The following KLHL1 variants were observed in gnomAD, a reference collection of about 807,000 sequenced individuals.
KLHL1 encodes kelch-like protein 1.
A neutral mutation model predicts 77.7 loss-of-function variants in KLHL1; 47 were observed. The ratio of observed to expected loss-of-function variants is 0.60; its 90% CI spans 0.48 to 0.77. KLHL1 has a LOEUF of 0.77. Ranked by LOEUF, KLHL1 falls within the 30% of genes least tolerant of loss-of-function variation. The pLI is 0.00. For synonymous variants in KLHL1, 360 were observed against 325.2 expected, an observed-to-expected ratio of 1.11 and a Z score of -1.15; for missense variants, 925 against 910.8, an observed-to-expected ratio of 1.02 and a Z score of -0.20.
At chr13:69,886,385 T>TG (rs931307794) in intron 4 of KLHL1, among the ~76,000 whole-genome samples, 1 of 151,884 alleles carries the variant, frequency 6.6e-6, no homozygotes, top group African/African-American at 2.4e-5. Flanking sequence ...CCAGTTTTTT[T>TG]TTTGTTTGTT....
At chr13:69,841,180 T>C (rs1722604774) in intron 5 of KLHL1, among the ~76,000 whole-genome samples, 1 of 151,682 alleles carries the variant, frequency 6.6e-6, no homozygotes, top group Non-Finnish European at 1.5e-5. Context: ...CAATATCACA[T>C]CTCATATTCA....
intron 7 of KLHL1, among the ~76,000 whole-genome samples, chr13:69,795,453 G>A (rs1056433826): frequency 2.6e-5 from 4 of 152,112 alleles, no homozygotes; most frequent in African/African-American, 7.2e-5. Context: ...TATAGGAAAG[G>A]AAGCACTTAG....
At chr13:70,080,401 T>C (rs955503046) in intron 1 of KLHL1, among the ~76,000 whole-genome samples, 1 of 152,206 alleles carries the variant, frequency 6.6e-6, no homozygotes, top group Non-Finnish European at 1.5e-5. Context: ...AATTAAGTTA[T>C]TTTTTAAAAC....
At chr13:70,035,262 G>T (rs553370219) in intron 1 of KLHL1, among the ~76,000 whole-genome samples, 4 of 152,196 alleles carry the variant, frequency 2.6e-5, no homozygotes, top group African/African-American at 9.6e-5. Context: ...CATAAAAAAT[G>T]AGATCTTGTC....
intron 1 of KLHL1, among the ~76,000 whole-genome samples, chr13:70,087,864 CA>C (rs1009954319): frequency 3.4e-4 from 51 of 152,112 alleles, no homozygotes; most frequent in African/African-American, 1.2e-3. Flanking sequence ...AGTAGGATTA[CA>C]AATAGATGCT....
Position 69,952,958 on chromosome 13 carries a change from G to A in KLHL1, c.817+8350C>T, listed in dbSNP as rs963535006. On this transcript the variant is annotated intron_variant, in intron 3 of 10. Transcript: ENST00000377844. ...AAGATATTAACAAATAGTCAAAACT[G>A]AAGTAAAATAATGTTTTCAAAGATG... Among the ~76,000 whole-genome samples, 3 of 151,462 alleles carry A rather than the reference G, an allele frequency of 2.0e-5. No individual in the cohort carries two copies. In the East Asian group the frequency reaches 5.8e-4, roughly 29 times the overall value.
chr13:69,855,309 T>C (rs1879846383), intron 5 of KLHL1, among the ~76,000 whole-genome samples: 1 of 118,888 alleles, frequency 8.4e-6, no homozygotes, highest in Non-Finnish European at 1.7e-5. Context: ...GATAGATAGA[T>C]AGATAGATAG....
intron 1 of KLHL1, among the ~76,000 whole-genome samples, chr13:70,068,062 C>T (rs1048285739): frequency 6.9e-6 from 1 of 144,920 alleles, no homozygotes; most frequent in African/African-American, 2.6e-5. Flanking sequence ...AAAAAAAGGG[C>T]CAGATGCAGT....
At chr13:70,094,317 C>A (rs536348805) in intron 1 of KLHL1, among the ~76,000 whole-genome samples, 1 of 149,754 alleles carries the variant, frequency 6.7e-6, no homozygotes, top group African/African-American at 2.5e-5. Context: ...AGAGTGAGAA[C>A]CCAACTCTCA....
intron 5 of KLHL1, among the ~76,000 whole-genome samples, chr13:69,844,195 T>C (rs1879369778): frequency 6.6e-6 from 1 of 151,388 alleles, no homozygotes; most frequent in South Asian, 2.1e-4. Context: ...TGCCCATAGA[T>C]GTACACATAA....
In KLHL1 at chr13:70,107,638, A is replaced by T; in HGVS notation, c.62T>A (p.Leu21His). 1 of 1,562,122 alleles carries T rather than the reference A, an allele frequency of 6.4e-7. No homozygotes were observed. The change falls in exon 1 of 11, where the codon CTC becomes CAC. Residue 21 changes from leucine to histidine, a missense_variant. By Grantham distance (99) the Leu-to-His change is moderately conservative. Transcript: ENST00000377844. ...VKHILRLRWK[L>H]FSHPSPSTGG... is the part of the protein sequence containing the mutation. The stretch of plus-strand genomic sequence containing the variant: ...GGTGGAAGGAGACGGGTGGCTGAAG[A>T]GTTTCCAGCGGAGTCGCAGAATGTG...
intron 9 of KLHL1, among the ~76,000 whole-genome samples, chr13:69,708,417 C>G (rs1875726676): frequency 6.6e-6 from 1 of 151,846 alleles, no homozygotes; most frequent in South Asian, 2.1e-4. Flanking sequence ...TTTTGATTAG[C>G]TTATGGGATG....
intron 1 of KLHL1, among the ~76,000 whole-genome samples, chr13:70,057,382 A>G (rs1886765662): frequency 6.6e-6 from 1 of 151,360 alleles, no homozygotes; most frequent in South Asian, 2.1e-4. Context: ...TTCTACTCAA[A>G]TAATTCCAAA....
intron 1 of KLHL1, among the ~76,000 whole-genome samples, chr13:69,998,041 G>A (rs1454264800): frequency 6.6e-6 from 1 of 151,766 alleles, no homozygotes; most frequent in Non-Finnish European, 1.5e-5. Context: ...TGTTTTCTAT[G>A]GTGATTGCAC....
intron 1 of KLHL1, among the ~76,000 whole-genome samples, chr13:70,069,073 T>A (rs1465748441): frequency 1.3e-5 from 2 of 152,192 alleles, no homozygotes; most frequent in African/African-American, 4.8e-5. Flanking sequence ...TATTGAGATT[T>A]TATCAAAATC....
chr13:69,771,874 A>G (rs1875585463), intron 7 of KLHL1, among the ~76,000 whole-genome samples: 2 of 152,336 alleles, frequency 1.3e-5, no homozygotes, highest in Admixed American at 6.5e-5. Context: ...TGACTTCAAA[A>G]TAGCAAATAC....
chr13:70,082,791 TA>T (rs1887428491), intron 1 of KLHL1, among the ~76,000 whole-genome samples: 1 of 151,942 alleles, frequency 6.6e-6, no homozygotes, highest in African/African-American at 2.4e-5. Flanking sequence ...TATGCAGCTA[TA>T]AAAAAAGAAG....
chr13:70,088,388 T>TAA (rs34060557), intron 1 of KLHL1, among the ~76,000 whole-genome samples: 1 of 150,858 alleles, frequency 6.6e-6, no homozygotes, highest in South Asian at 2.1e-4. Flanking sequence ...TATACAAATA[T>TAA]AAAAAAAAAG....
chr13:70,065,842 C>T (rs1220515291), intron 1 of KLHL1, among the ~76,000 whole-genome samples: 1 of 151,466 alleles, frequency 6.6e-6, no homozygotes, highest in Non-Finnish European at 1.5e-5. Flanking sequence ...TCAGAATTCC[C>T]AAGTTTACCA....
Sources: gnomAD v4.1 joint callset for allele counts (sites outside exome capture counted in the v4.1 genomes callset) on GRCh38, gnomAD v4.1.1 for gene constraint, MANE v1.5 for transcripts, NCBI Gene and HGNC (gene_info 2026-07-23, HGNC 2026-07-21) for gene names.